The following RBFOX1 variants were observed in gnomAD, a reference collection of about 807,000 sequenced individuals.
RBFOX1 encodes the protein RNA binding fox-1 homolog 1, also known as RNA binding protein fox-1 homolog 1.
Under a neutral mutation model 57.7 loss-of-function variants are expected in RBFOX1, and 8 were observed. The observed-to-expected ratio is 0.14, with a 90% CI of 0.08 to 0.25. RBFOX1 has a LOEUF of 0.25. Ranked by LOEUF, RBFOX1 falls within the 10% of genes least tolerant of loss-of-function variation. The pLI, the probability that RBFOX1 is intolerant of heterozygous loss-of-function variation, is 1.00. For synonymous variants in RBFOX1, 326 were observed against 222.4 expected (o/e 1.47, Z -4.15); for missense variants, 611 against 548.5 (o/e 1.11, Z -1.14).
At chr16:7,396,450 G>A (rs1200169895) in intron 4 of RBFOX1, among the ~76,000 whole-genome samples, 1 of 151,458 alleles carries the variant, frequency 6.6e-6, no homozygotes, top group Non-Finnish European at 1.5e-5. Context: ...CCACCCTGAA[G>A]GTTTTTATTG....
intron 2 of RBFOX1, among the ~76,000 whole-genome samples, chr16:6,587,760 T>G (rs991905206): frequency 1.3e-5 from 2 of 152,188 alleles, no homozygotes; most frequent in Non-Finnish European, 2.9e-5. Flanking sequence ...GTAGAAAAAT[T>G]AAAACACACA....
intron 2 of RBFOX1, among the ~76,000 whole-genome samples, chr16:6,509,119 T>C (rs908292775): frequency 6.6e-6 from 1 of 152,220 alleles, no homozygotes; most frequent in African/African-American, 2.4e-5. Context: ...GATTTTGTTG[T>C]GCTTTCTTTT....
intron 2 of RBFOX1, among the ~76,000 whole-genome samples, chr16:6,470,150 G>T (rs922465519): frequency 6.6e-6 from 1 of 152,140 alleles, no homozygotes; most frequent in South Asian, 2.1e-4. Context: ...TTTAGATACT[G>T]CCTCTAGTTG....
At chr16:5,600,316 TAAAAA>T (rs941637896), downstream of RBFOX1, among the ~76,000 whole-genome samples, 14 of 138,778 alleles carry the variant, frequency 1.0e-4, no homozygotes, top group African/African-American at 2.7e-5. Flanking sequence ...TAAAAAAAAA[TAAAAA>T]AAAAACAAAA....
chr16:6,766,703 C>T (rs750217408), intron 3 of RBFOX1, among the ~76,000 whole-genome samples: 1 of 152,044 alleles, frequency 6.6e-6, no homozygotes, highest in Non-Finnish European at 1.5e-5. Flanking sequence ...GACAACACAA[C>T]TCTAGAGCCT....
chr16:6,153,622 G>C (rs2096816895), intron 1 of RBFOX1, among the ~76,000 whole-genome samples: 1 of 151,900 alleles, frequency 6.6e-6, no homozygotes, highest in Admixed American at 6.6e-5. Flanking sequence ...TGCAACCTCT[G>C]CCTCCCGGGT....
At chr16:6,383,976 C>A (rs2092047283) in intron 2 of RBFOX1, among the ~76,000 whole-genome samples, 2 of 151,390 alleles carry the variant, frequency 1.3e-5, no homozygotes, top group African/African-American at 4.9e-5. Context: ...TCCTTCTCTG[C>A]AGTACATTTA....
At chr16:6,957,393 C>G (rs927428007) in intron 3 of RBFOX1, among the ~76,000 whole-genome samples, 1 of 148,584 alleles carries the variant, frequency 6.7e-6, no homozygotes, top group Non-Finnish European at 1.5e-5. Flanking sequence ...TGTGCTGCGA[C>G]TCACGCTCAG....
intron 4 of RBFOX1, among the ~76,000 whole-genome samples, chr16:7,229,096 C>T (rs994439830): frequency 6.6e-6 from 1 of 152,086 alleles, no homozygotes; most frequent in African/African-American, 2.4e-5. Flanking sequence ...AAGAAGGGAG[C>T]ACTCTGAAAG....
At chr16:6,784,943 T>A (rs2081670198) in intron 3 of RBFOX1, among the ~76,000 whole-genome samples, 4 of 152,096 alleles carry the variant, frequency 2.6e-5, no homozygotes, top group Admixed American at 2.6e-4. Flanking sequence ...GCACAAGCAG[T>A]GTTTCTTAAC....
chr16:5,293,493 T>TGGG (rs1260159860), intron 1 of RBFOX1, among the ~76,000 whole-genome samples: 1 of 152,170 alleles, frequency 6.6e-6, no homozygotes, highest in African/African-American at 2.4e-5. Flanking sequence ...TGGAATCTCC[T>TGGG]GGGGAGATGA....
intron 4 of RBFOX1, among the ~76,000 whole-genome samples, chr16:5,871,349 G>C (rs2057465486): frequency 6.6e-6 from 1 of 152,162 alleles, no homozygotes; most frequent in Admixed American, 6.5e-5. Flanking sequence ...TAATATAACA[G>C]ATAAATGGCC....
intron 2 of RBFOX1, among the ~76,000 whole-genome samples, chr16:5,550,663 G>A (rs183281206): frequency 1.1e-4 from 17 of 152,270 alleles, no homozygotes; most frequent in South Asian, 2.1e-4. Context: ...TTTATGGTAC[G>A]TTAGCAAATA....
chr16:5,361,741 C>T (rs943051764), intron 1 of RBFOX1, among the ~76,000 whole-genome samples: 1 of 152,166 alleles, frequency 6.6e-6, no homozygotes, highest in Non-Finnish European at 1.5e-5. Context: ...CACTTTGTGC[C>T]AAGTTGTATT....
intron 4 of RBFOX1, among the ~76,000 whole-genome samples, chr16:7,370,127 A>T (rs9931585): frequency 2.6e-5 from 4 of 152,196 alleles, no homozygotes; most frequent in African/African-American, 4.8e-5. Context: ...CTGTAGGACA[A>T]TTGGCAGCAA....
intron 4 of RBFOX1, among the ~76,000 whole-genome samples, chr16:7,325,280 C>T (rs183916344): frequency 1.1e-4 from 16 of 152,140 alleles, no homozygotes; most frequent in Non-Finnish European, 2.1e-4. Context: ...ATTCTTATTT[C>T]GCAGATAATA....
chr16:5,549,240 C>G (rs753004704), intron 2 of RBFOX1, among the ~76,000 whole-genome samples: 32 of 152,126 alleles, frequency 2.1e-4, no homozygotes, highest in Non-Finnish European at 4.0e-4. Context: ...TCTGGGAGAG[C>G]CTGGGAGCCT....
At chr16:7,560,150 C>G (rs186860047) in intron 5 of RBFOX1, among the ~76,000 whole-genome samples, 6 of 152,332 alleles carry the variant, frequency 3.9e-5, no homozygotes, top group Admixed American at 2.6e-4. Flanking sequence ...CAGTGCGATT[C>G]ATGTAAATCT....
At chr16:5,632,284 C>T (rs1460146012) in intron 3 of RBFOX1, among the ~76,000 whole-genome samples, 3 of 152,240 alleles carry the variant, frequency 2.0e-5, no homozygotes, top group African/African-American at 7.2e-5. Context: ...ATGGGAGTTA[C>T]ACCTGCTGGG....
Sources: gnomAD v4.1 joint callset for allele counts (sites outside exome capture counted in the v4.1 genomes callset) on GRCh38, gnomAD v4.1.1 for gene constraint, MANE v1.5 for transcripts, NCBI Gene and HGNC (gene_info 2026-07-23, HGNC 2026-07-21) for gene names.